The following NMNAT3 variants were observed in gnomAD, a reference collection of about 807,000 sequenced individuals.
NMNAT3 encodes nicotinamide nucleotide adenylyltransferase 3, also known as nicotinamide/nicotinic acid mononucleotide adenylyltransferase 3.
Under a neutral mutation model 24.8 loss-of-function variants are expected in NMNAT3, and 21 were observed. The observed-to-expected ratio is 0.85, with a 90% CI of 0.60 to 1.22. The LOEUF is 1.22. Ranked by LOEUF, NMNAT3 falls within the 50% of genes most tolerant of loss-of-function variation. NMNAT3 has a pLI of 0.00. For synonymous variants in NMNAT3, 136 were observed against 155.2 expected (o/e 0.88, Z 0.92); for missense variants, 387 against 436.6 (o/e 0.89, Z 1.01).
intron 3 of NMNAT3, among the ~76,000 whole-genome samples, chr3:139,604,912 A>G (rs751516540): frequency 5.3e-5 from 8 of 152,234 alleles, no homozygotes; most frequent in African/African-American, 9.6e-5. Context: ...GTGGTGCAGA[A>G]TGTGGTGGCA....
At chr3:139,648,131 G>C (rs777228130) in intron 1 of NMNAT3, among the ~76,000 whole-genome samples, 84 of 152,288 alleles carry the variant, frequency 5.5e-4, no homozygotes, top group Non-Finnish European at 8.5e-4. Context: ...TGGATCCTGG[G>C]GGGGTTTTCC....
At chr3:139,565,816 T>G (rs1937108375) in intron 6 of NMNAT3, 1 of 152,242 alleles carries the variant, frequency 6.6e-6, no homozygotes, top group African/African-American at 2.4e-5. Flanking sequence ...AGTGCTGCAA[T>G]AAACATACGT....
At chr3:139,587,708 AG>A (rs2053996618) in intron 3 of NMNAT3, among the ~76,000 whole-genome samples, 1 of 152,220 alleles carries the variant, frequency 6.6e-6, no homozygotes, top group Admixed American at 6.5e-5. Flanking sequence ...TGTTATAGAA[AG>A]CAAAGTAAGT....
chr3:139,617,026 T>C (rs1158440345), intron 3 of NMNAT3, among the ~76,000 whole-genome samples: 2 of 152,208 alleles, frequency 1.3e-5, no homozygotes, highest in Non-Finnish European at 2.9e-5. Context: ...GTTCTTTTTC[T>C]GAATCCCCTG....
chr3:139,576,277 G>C (rs1939298909), intron 5 of NMNAT3: 1 of 974,860 alleles, frequency 1.0e-6, no homozygotes, highest in Admixed American at 6.2e-5. Flanking sequence ...GAAAGTGTTA[G>C]TAATCAAACA....
intron 1 of NMNAT3, among the ~76,000 whole-genome samples, chr3:139,655,172 G>A (rs1369339968): frequency 2.6e-5 from 4 of 152,218 alleles, no homozygotes; most frequent in African/African-American, 4.8e-5. Context: ...GGCAGTAGCA[G>A]GGTCAACAGA....
intron 6 of NMNAT3, chr3:139,567,082 C>T (rs1937351094): frequency 6.6e-6 from 1 of 151,864 alleles, no homozygotes; most frequent in South Asian, 2.1e-4. Context: ...CCTTCACATC[C>T]CTTGTAAGTT....
At chr3:139,590,678 T>C (rs1327480561) in intron 3 of NMNAT3, among the ~76,000 whole-genome samples, 1 of 152,012 alleles carries the variant, frequency 6.6e-6, no homozygotes, top group Admixed American at 6.6e-5. Flanking sequence ...TAAAATAAGC[T>C]TAAAAATTAA....
intron 1 of NMNAT3, among the ~76,000 whole-genome samples, chr3:139,638,298 TGATTCCC>T (rs2056577789): frequency 6.6e-6 from 1 of 152,192 alleles, no homozygotes; most frequent in African/African-American, 2.4e-5. Context: ...CCCTGATTCC[TGATTCCC>T]ACCTTAGTGG....
chr3:139,668,822 G>T (rs1284791765), intron 1 of NMNAT3, among the ~76,000 whole-genome samples: 16 of 152,012 alleles, frequency 1.1e-4, no homozygotes, highest in Admixed American at 1.0e-3. Flanking sequence ...ATCTGCATAG[G>T]GTATGGAAAA....
At chr3:139,591,700 C>T (rs1479110650) in intron 3 of NMNAT3, among the ~76,000 whole-genome samples, 2 of 143,652 alleles carry the variant, frequency 1.4e-5, no homozygotes, top group African/African-American at 5.1e-5. Flanking sequence ...CACCCCCCAG[C>T]AGGGGCAGAC....
chr3:139,650,685 A>AAC lies in NMNAT3; in HGVS notation c.-140-12625_-140-12624dup, dbSNP rs546108838. Among the ~76,000 whole-genome samples the AAC allele has an allele frequency of 1.3e-3, 192 of 152,308 alleles. 1 individual carries two copies. Among genetic ancestry groups the AAC allele is most frequent in the African/African-American group, 4.5e-3 (185 of 41,558 alleles). Reference sequence around the variant, plus strand: ...ACCTGAGGAATGCATCCTGACATATAACCCTCATCCCTCGGCCTAATGAGA... The same window carrying AAC: ...ACCTGAGGAATGCATCCTGACATATAACACCCTCATCCCTCGGCCTAATGAGA... On this transcript the variant is annotated intron_variant, in intron 1 of 6. Coordinates refer to ENST00000643695, the MANE Select transcript of NMNAT3 (RefSeq NM_001320510.2).
chr3:139,614,413 T>C (rs1382085266), intron 3 of NMNAT3, among the ~76,000 whole-genome samples: 2 of 152,236 alleles, frequency 1.3e-5, no homozygotes, highest in African/African-American at 2.4e-5. Flanking sequence ...GGAGGCCTCA[T>C]AGAAACCTAC....
At chr3:139,562,994 C>T (rs9832069) in intron 6 of NMNAT3, among the ~76,000 whole-genome samples, 11,049 of 152,230 alleles carry the variant, frequency 0.073, 539 homozygotes, top group Middle Eastern at 0.13. Context: ...ACGTTCAATA[C>T]CTCATGTGAT....
chr3:139,643,574 A>G (rs2056776871), intron 1 of NMNAT3, among the ~76,000 whole-genome samples: 2 of 152,246 alleles, frequency 1.3e-5, no homozygotes, highest in South Asian at 4.1e-4. Flanking sequence ...ATTCTGACAT[A>G]TGCTACCATA....
intron 1 of NMNAT3, among the ~76,000 whole-genome samples, chr3:139,672,872 G>A (rs1179784379): frequency 6.6e-6 from 1 of 152,180 alleles, no homozygotes; most frequent in African/African-American, 2.4e-5. Flanking sequence ...CAGTGGAAAT[G>A]AATGGGTTTC....
intron 3 of NMNAT3, among the ~76,000 whole-genome samples, chr3:139,623,652 C>A (rs1300183516): frequency 6.6e-6 from 1 of 152,138 alleles, no homozygotes. Flanking sequence ...AGCTCAATCT[C>A]AGCTCACTGC....
chr3:139,640,717 T>G (rs2056670376), intron 1 of NMNAT3, among the ~76,000 whole-genome samples: 1 of 152,170 alleles, frequency 6.6e-6, no homozygotes, highest in Non-Finnish European at 1.5e-5. Flanking sequence ...ATACTTTCAC[T>G]GGGTACAACA....
Position 139,590,219 on chromosome 3 carries a change from A to T in NMNAT3, c.110-7011T>A, listed in dbSNP as rs117442682. On this transcript the variant is annotated intron_variant, in intron 3 of 6. Transcript: ENST00000643695. ...GATAGGCATAGGAAACTAAGGCAAC[A>T]AATACATGAACAATTACTAACTCTA... Among the ~76,000 whole-genome samples the T allele has an allele frequency of 1.5e-4, 23 of 152,368 alleles. No homozygotes were observed. In the East Asian group the frequency reaches 4.4e-3, roughly 29 times the overall value.
Sources: gnomAD v4.1 joint callset for allele counts (sites outside exome capture counted in the v4.1 genomes callset) on GRCh38, gnomAD v4.1.1 for gene constraint, MANE v1.5 for transcripts, NCBI Gene and HGNC (gene_info 2026-07-23, HGNC 2026-07-21) for gene names.